ATRNL1: variants seen among roughly 807,000 people sequenced by gnomAD.
The protein encoded by ATRNL1 is attractin-like protein 1.
ATRNL1 carries 95 observed loss-of-function variants against 182.7 expected under a neutral mutation model. The observed-to-expected ratio is 0.52, with a 90% CI of 0.44 to 0.62. The LOEUF (loss-of-function observed/expected upper bound fraction) is 0.62. ATRNL1 is among the 20% of genes least tolerant of loss of function. The probability of loss-of-function intolerance (pLI) is 0.00; values close to 1 mark genes in which losing one functional copy is unlikely to be tolerated. For missense variants in ATRNL1, 1,471 were observed against 1,679.5 expected, an observed-to-expected ratio of 0.88 and a Z score of 2.17; for synonymous variants, 576 against 568.3, an observed-to-expected ratio of 1.01 and a Z score of -0.19.
At chr10:115,580,971 C>G (rs183468547) in intron 26 of ATRNL1, among the ~76,000 whole-genome samples, 8 of 152,196 alleles carry the variant, frequency 5.3e-5, no homozygotes, top group Admixed American at 4.6e-4. Flanking sequence ...GTGTGAACAC[C>G]CATATGACTG....
chr10:115,609,630 T>G (rs994391457), intron 26 of ATRNL1, among the ~76,000 whole-genome samples: 2 of 152,270 alleles, frequency 1.3e-5, no homozygotes, highest in South Asian at 2.1e-4. Flanking sequence ...CAAGTGTGAT[T>G]ATTTTGCCTG....
chr10:115,659,219 T>C (rs1476865603), intron 26 of ATRNL1, among the ~76,000 whole-genome samples: 4 of 152,098 alleles, frequency 2.6e-5, no homozygotes, highest in African/African-American at 9.7e-5. Context: ...TGGAGGGTCC[T>C]ACACAACCCA....
intron 19 of ATRNL1, among the ~76,000 whole-genome samples, chr10:115,373,893 T>C (rs1857523057): frequency 6.6e-6 from 1 of 151,952 alleles, no homozygotes; most frequent in Non-Finnish European, 1.5e-5. Flanking sequence ...AAAATGAGTT[T>C]GGAAACATTT....
intron 19 of ATRNL1, among the ~76,000 whole-genome samples, chr10:115,374,937 G>T (rs1857591518): frequency 6.6e-6 from 1 of 151,644 alleles, no homozygotes; most frequent in Admixed American, 6.6e-5. Flanking sequence ...AGAAGAATGT[G>T]TATGCTGTTG....
intron 26 of ATRNL1, among the ~76,000 whole-genome samples, chr10:115,671,724 G>C (rs1555041469): frequency 1.3e-5 from 2 of 152,102 alleles, no homozygotes; most frequent in Non-Finnish European, 2.9e-5. Context: ...CCAAAGGAAA[G>C]GGATCTTTGA....
At chr10:115,286,076 A>C (rs1852597566) in intron 14 of ATRNL1, 140 bp from the exon 15 acceptor site, 4 of 528,614 alleles carry the variant, frequency 7.6e-6, no homozygotes, top group African/African-American at 2.0e-5. Flanking sequence ...CTATTAGAAA[A>C]ATTTATTTGA....
chr10:115,148,619 G>T (rs1389485568), intron 5 of ATRNL1, among the ~76,000 whole-genome samples: 1 of 152,056 alleles, frequency 6.6e-6, no homozygotes, highest in African/African-American at 2.4e-5. Context: ...GGAAATCGAA[G>T]ACGTGGACAC....
chr10:115,212,737 T>G (rs1849080679), intron 8 of ATRNL1, among the ~76,000 whole-genome samples: 1 of 152,008 alleles, frequency 6.6e-6, no homozygotes, highest in African/African-American at 2.4e-5. Flanking sequence ...CTTCACAGAT[T>G]AACACAGGAA....
intron 13 of ATRNL1, among the ~76,000 whole-genome samples, chr10:115,273,141 A>G (rs1851946774): frequency 6.6e-6 from 1 of 151,950 alleles, no homozygotes; most frequent in South Asian, 2.1e-4. Context: ...CATATTGGGT[A>G]CTCAGCAGTG....
At chr10:115,380,121 C>T (rs898136679) in intron 19 of ATRNL1, among the ~76,000 whole-genome samples, 2 of 152,148 alleles carry the variant, frequency 1.3e-5, no homozygotes, top group Admixed American at 6.5e-5. Context: ...TGAGCCGCCG[C>T]GCCTGGCCAA....
chr10:115,379,900 C>T (rs1554950603), intron 19 of ATRNL1, among the ~76,000 whole-genome samples: 1 of 152,172 alleles, frequency 6.6e-6, no homozygotes, highest in Non-Finnish European at 1.5e-5. Flanking sequence ...GATCTCAGCT[C>T]ATTGCAAGCT....
rs1413344008 is a variant in ATRNL1 at position 115,367,138 on chromosome 10, C to T, written c.3176-27521C>T. Among the ~76,000 whole-genome samples, 6 of 86,310 alleles carry T rather than the reference C, an allele frequency of 7.0e-5. 2 individuals are homozygous for T. The highest frequency in any genetic ancestry group is 2.9e-4 in the African/African-American group (6 of 21,010). The allele number at this position is 86,310 out of a possible 152,430, so 56.6% of individuals were successfully genotyped here. A position where few individuals can be genotyped will look rare whatever the true frequency, so the allele number is the denominator to read the frequency against. ...TTTTCCAACTTGGTTCCATTCTCCC[C>T]ATCACTTTCAGGTACACCAATCAGA... is the stretch of plus-strand genomic sequence containing the variant. On this transcript the variant is annotated intron_variant, in intron 19 of 28. Coordinates refer to ENST00000355044, the MANE Select transcript of ATRNL1 (RefSeq NM_207303.4).
chr10:115,797,496 G>C (rs550966897), intron 27 of ATRNL1, among the ~76,000 whole-genome samples: 3 of 152,184 alleles, frequency 2.0e-5, no homozygotes, highest in South Asian at 2.1e-4. Context: ...CAACTGCAAG[G>C]CTTCTTCTGC....
intron 27 of ATRNL1, among the ~76,000 whole-genome samples, chr10:115,727,917 C>G (rs1555060861): frequency 6.6e-6 from 1 of 151,770 alleles, no homozygotes; most frequent in Non-Finnish European, 1.5e-5. Flanking sequence ...TTATATGCAA[C>G]TAAATATGGT....
chr10:115,157,639 A>G (rs1846585687), intron 5 of ATRNL1, among the ~76,000 whole-genome samples: 1 of 152,084 alleles, frequency 6.6e-6, no homozygotes, highest in East Asian at 1.9e-4. Flanking sequence ...TCTGCAGTCA[A>G]ATCTCCCTCT....
At chr10:115,825,791 T>C (rs1950416922) in intron 27 of ATRNL1, among the ~76,000 whole-genome samples, 1 of 152,166 alleles carries the variant, frequency 6.6e-6, no homozygotes. Flanking sequence ...GATTCCTGGC[T>C]CTAGCAGTTA....
chr10:115,580,461 TAGTC>T (rs1855000760), intron 26 of ATRNL1, among the ~76,000 whole-genome samples: 1 of 152,116 alleles, frequency 6.6e-6, no homozygotes, highest in African/African-American at 2.4e-5. Context: ...AATCAACTGA[TAGTC>T]TGATGGCATT....
In ATRNL1 at chr10:115,887,109, C is replaced by T. The variant is rs1951963823; in HGVS notation, c.4018+39118C>T. Among the ~76,000 whole-genome samples the T allele has an allele frequency of 1.3e-5, 2 of 152,178 alleles. 1 individual carries two copies. Among genetic ancestry groups the T allele is most frequent in the South Asian group, 4.1e-4 (2 of 4,828 alleles). On this transcript the variant is annotated intron_variant, in intron 28 of 28. Transcript: ENST00000355044. ...GCATCATCATGGACCCCACACCAGA[C>T]CAACTGAATCAGAATCTGCATTTTC...
chr10:115,684,934 G>C (rs536709377), intron 26 of ATRNL1, among the ~76,000 whole-genome samples: 1 of 151,702 alleles, frequency 6.6e-6, no homozygotes, highest in Admixed American at 6.6e-5. Flanking sequence ...ACAGAATATA[G>C]TATATTCTAA....
Sources: allele counts gnomAD v4.1 joint callset (sites outside exome capture counted in the v4.1 genomes callset), GRCh38; gene constraint gnomAD v4.1.1; transcripts MANE v1.5; gene names NCBI Gene and HGNC (gene_info 2026-07-23, HGNC 2026-07-21).